Variants in PABPC4L observed in about 807,000 individuals in gnomAD.
The protein encoded by PABPC4L is polyadenylate-binding protein 4-like.
For missense variants in PABPC4L, 452 were observed against 451.4 expected (o/e 1.00, Z -0.01); for synonymous variants, 169 against 164.1 (o/e 1.03, Z -0.23).
chr4:134,067,663 A>G, the PABPC4L span, among the ~76,000 whole-genome samples: 1 of 152,022 alleles, frequency 6.6e-6, no homozygotes, highest in Non-Finnish European at 1.5e-5. Context: ...TGTGTGCATT[A>G]AGTGCTACAA....
At chr4:134,050,880 A>ATTTTTTTTTTTTTTT in the PABPC4L span, among the ~76,000 whole-genome samples, 1 of 134,732 alleles carries the variant, frequency 7.4e-6, no homozygotes, top group Non-Finnish European at 1.6e-5. Flanking sequence ...ATTGACCTTT[A>ATTTTTTTTTTTTTTT]TTTTTTTTTT....
the PABPC4L span, among the ~76,000 whole-genome samples, chr4:134,093,784 C>T: frequency 3.5e-3 from 522 of 151,298 alleles, 6 homozygotes; most frequent in African/African-American, 0.012. Context: ...TCATTTGGGT[C>T]TAATTTCTTT....
the PABPC4L span, among the ~76,000 whole-genome samples, chr4:134,100,523 T>C: frequency 6.6e-6 from 1 of 151,692 alleles, no homozygotes; most frequent in Admixed American, 6.6e-5. Context: ...ATTCAATGCG[T>C]GTGCTGAGTG....
the PABPC4L span, among the ~76,000 whole-genome samples, chr4:133,957,207 T>C: frequency 6.6e-6 from 1 of 152,186 alleles, no homozygotes; most frequent in South Asian, 2.1e-4. Flanking sequence ...AATTACTTCC[T>C]AGATACAATG....
the PABPC4L span, among the ~76,000 whole-genome samples, chr4:134,099,489 C>T: frequency 6.6e-6 from 1 of 151,770 alleles, no homozygotes; most frequent in South Asian, 2.1e-4. Context: ...ATTTGGCCTC[C>T]GTACAATCTT....
chr4:134,036,854 G>A, the PABPC4L span, among the ~76,000 whole-genome samples: 15 of 152,006 alleles, frequency 9.9e-5, no homozygotes, highest in African/African-American at 3.4e-4. Context: ...TCAGGAGTTC[G>A]AGACCAGCCT....
chr4:134,048,054 G>A, the PABPC4L span, among the ~76,000 whole-genome samples: 1 of 151,792 alleles, frequency 6.6e-6, no homozygotes, highest in Non-Finnish European at 1.5e-5. Flanking sequence ...GAAGAAATCA[G>A]GAATTACAAC....
the PABPC4L span, among the ~76,000 whole-genome samples, chr4:134,126,881 G>A: frequency 2.6e-5 from 4 of 152,094 alleles, no homozygotes; most frequent in African/African-American, 9.7e-5. Flanking sequence ...CCTGGGGCAA[G>A]TTCTCAGCCC....
the PABPC4L span, among the ~76,000 whole-genome samples, chr4:134,077,816 A>G: frequency 6.6e-6 from 1 of 152,168 alleles, no homozygotes; most frequent in African/African-American, 2.4e-5. Context: ...ATAATTTTTA[A>G]GTTGATTTCA....
the PABPC4L span, among the ~76,000 whole-genome samples, chr4:134,019,538 C>A: frequency 6.6e-6 from 1 of 152,048 alleles, no homozygotes; most frequent in African/African-American, 2.4e-5. Context: ...AAGAAAAACA[C>A]CTTAAATGAC....
the PABPC4L span, among the ~76,000 whole-genome samples, chr4:134,033,357 A>G: frequency 1.3e-5 from 2 of 151,794 alleles, no homozygotes; most frequent in African/African-American, 4.8e-5. Flanking sequence ...AAACAACAAT[A>G]TTGAAATTGT....
At chr4:134,187,785 C>T in the PABPC4L span, among the ~76,000 whole-genome samples, 1 of 152,006 alleles carries the variant, frequency 6.6e-6, no homozygotes, top group East Asian at 1.9e-4. Flanking sequence ...TCTTTACTTG[C>T]TTCATTCCTT....
chr4:134,123,818 A>G, the PABPC4L span, among the ~76,000 whole-genome samples: 2 of 149,830 alleles, frequency 1.3e-5, no homozygotes, highest in African/African-American at 4.9e-5. Flanking sequence ...GTAGTTCTTA[A>G]AAAAAAAAAG....
At chr4:134,119,909 T>A in the PABPC4L span, among the ~76,000 whole-genome samples, 4 of 151,784 alleles carry the variant, frequency 2.6e-5, no homozygotes, top group Non-Finnish European at 4.4e-5. Flanking sequence ...CAGTATTTTG[T>A]AAATGTTCAT....
At chr4:134,133,222 A>C in the PABPC4L span, among the ~76,000 whole-genome samples, 1 of 136,506 alleles carries the variant, frequency 7.3e-6, no homozygotes, top group African/African-American at 2.8e-5. Flanking sequence ...CTAATATTGT[A>C]TATTAGATAT....
At chr4:134,102,562 A>T in the PABPC4L span, among the ~76,000 whole-genome samples, 2 of 151,490 alleles carry the variant, frequency 1.3e-5, no homozygotes, top group Non-Finnish European at 3.0e-5. Context: ...AATGATTTTG[A>T]TTTTCCACTC....
At chr4:134,189,352 TTTGTTGACAAGCA>T in the PABPC4L span, among the ~76,000 whole-genome samples, 155 of 151,982 alleles carry the variant, frequency 1.0e-3, no homozygotes, top group Middle Eastern at 3.4e-3. Flanking sequence ...ATTTCACAGC[TTTGTTGACAAGCA>T]GGTATATATC....
chr4:133,985,053 G>T, the PABPC4L span, among the ~76,000 whole-genome samples: 1 of 151,954 alleles, frequency 6.6e-6, no homozygotes, highest in Non-Finnish European at 1.5e-5. Flanking sequence ...AATGCTTGTT[G>T]TTATCGAGCT....
At chr4:134,173,597 G>T in the PABPC4L span, among the ~76,000 whole-genome samples, 312 of 152,074 alleles carry the variant, frequency 2.1e-3, no homozygotes, top group Non-Finnish European at 3.5e-3. Flanking sequence ...GATGGTAAAT[G>T]GGTACAAAAA....
Sources: gnomAD v4.1 joint callset for allele counts (sites outside exome capture counted in the v4.1 genomes callset) on GRCh38, gnomAD v4.1.1 for gene constraint, MANE v1.5 for transcripts, NCBI Gene and HGNC (gene_info 2026-07-23, HGNC 2026-07-21) for gene names.